SYNE2: variants seen among roughly 807,000 people sequenced by gnomAD.
SYNE2 encodes nesprin-2.
Under a neutral mutation model 856.3 loss-of-function variants are expected in SYNE2, and 431 were observed. The ratio of observed to expected loss-of-function variants is 0.50; its 90% CI spans 0.47 to 0.55. SYNE2 has a LOEUF of 0.55. Ranked by LOEUF, SYNE2 falls within the 20% of genes least tolerant of loss-of-function variation. SYNE2 has a pLI of 0.00. For missense variants in SYNE2, 8,129 were observed against 8,023.2 expected, an observed-to-expected ratio of 1.01 and a Z score of -0.50; for synonymous variants, 2,923 against 2,872.3, an observed-to-expected ratio of 1.02 and a Z score of -0.56.
intron 11 of SYNE2, among the ~76,000 whole-genome samples, chr14:63,971,803 T>C (rs2096481254): frequency 1.3e-5 from 2 of 152,166 alleles, no homozygotes; most frequent in Admixed American, 6.6e-5. Flanking sequence ...TCTCTACATA[T>C]GTCTTTATTT....
intron 1 of SYNE2, among the ~76,000 whole-genome samples, chr14:63,803,179 A>C (rs1326639940): frequency 6.6e-6 from 1 of 152,044 alleles, no homozygotes; most frequent in Non-Finnish European, 1.5e-5. Context: ...TCCCCACCAG[A>C]CTCAGGACCC....
chr14:64,039,151 T>C (rs184663022), intron 45 of SYNE2, among the ~76,000 whole-genome samples: 64 of 152,354 alleles, frequency 4.2e-4, no homozygotes, highest in African/African-American at 1.5e-3. Flanking sequence ...GAGTTGTTTT[T>C]CACTGCTTTA....
At chr14:63,907,964 C>T (rs891640636) in intron 1 of SYNE2, among the ~76,000 whole-genome samples, 1 of 152,082 alleles carries the variant, frequency 6.6e-6, no homozygotes, top group African/African-American at 2.4e-5. Context: ...AACAGTGATC[C>T]ATGCAAGAGC....
At chr14:64,154,578 A>T (rs1454463396) in intron 85 of SYNE2, among the ~76,000 whole-genome samples, 1 of 152,158 alleles carries the variant, frequency 6.6e-6, no homozygotes. Flanking sequence ...AGATCGCTTG[A>T]ATTCAGCAGT....
intron 32 of SYNE2, among the ~76,000 whole-genome samples, chr14:64,010,684 C>G (rs1304430136): frequency 1.3e-5 from 2 of 152,134 alleles, no homozygotes; most frequent in Admixed American, 1.3e-4. Context: ...ATATACTATA[C>G]TGCACTATAT....
chr14:63,839,382 C>A (rs1306332464), intron 1 of SYNE2, among the ~76,000 whole-genome samples: 1 of 151,970 alleles, frequency 6.6e-6, no homozygotes, highest in East Asian at 1.9e-4. Flanking sequence ...CTCACTATGG[C>A]CCTCATTTAA....
intron 111 of SYNE2, 48 bp from the exon 112 acceptor site, chr14:64,221,528 T>A (rs531727945): frequency 6.2e-7 from 1 of 1,614,084 alleles, no homozygotes; most frequent in African/African-American, 1.3e-5. Flanking sequence ...GCACACCCTC[T>A]TCCAGGGCTC....
intron 63 of SYNE2, chr14:64,099,918 C>G (rs28486031): frequency 0.19 from 28,927 of 151,898 alleles, 3,483 homozygotes; most frequent in East Asian, 0.38. Context: ...ACCCACAACA[C>G]TCCCCAGAGT....
chr14:64,051,492 T>C (rs2097226205), intron 47 of SYNE2, 65 bp from the exon 48 acceptor site: 1 of 1,409,522 alleles, frequency 7.1e-7, no homozygotes, highest in Admixed American at 2.2e-5. Flanking sequence ...TAATGATATT[T>C]ATCCACATTT....
chr14:63,765,098 G>C (rs1886623717), intron 1 of SYNE2, among the ~76,000 whole-genome samples: 1 of 152,116 alleles, frequency 6.6e-6, no homozygotes, highest in African/African-American at 2.4e-5. Context: ...TGTTCTAAGG[G>C]TACGGGAGAG....
At chr14:64,212,396 G>A (rs1456449010) in intron 104 of SYNE2, among the ~76,000 whole-genome samples, 1 of 152,210 alleles carries the variant, frequency 6.6e-6, no homozygotes, top group Non-Finnish European at 1.5e-5. Flanking sequence ...GATTTTGGAA[G>A]AGGTTGAGAA....
intron 89 of SYNE2, 31 bp downstream of exon 89, chr14:64,163,612 T>C (rs753130453): frequency 6.2e-7 from 1 of 1,612,760 alleles, no homozygotes; most frequent in East Asian, 2.2e-5. Context: ...CAAGTTTTAG[T>C]CTTAGACATT....
intron 28 of SYNE2, 85 bp from the exon 29 acceptor site, chr14:64,001,849 C>T (rs756390780): frequency 4.2e-6 from 6 of 1,418,560 alleles, no homozygotes; most frequent in Admixed American, 1.7e-5. Context: ...ATTTTCTGTT[C>T]TTAGTTCAGT....
chr14:63,859,687 A>G lies in SYNE2; in HGVS notation c.-52+6544A>G, dbSNP rs546042215. 2.0e-5 allele frequency among the ~76,000 whole-genome samples: 3 copies of G among 152,268 alleles called. No homozygotes were observed. In the East Asian group the frequency reaches 5.8e-4, roughly 29 times the overall value. ...CAAAATTAGCTGGGTGTGGTGGCAC[A>G]TGCCTGTAATTCCAGCTACTTGGGA... On this transcript the variant is annotated intron_variant, in intron 1 of 115. Coordinates refer to ENST00000555002, the MANE Select transcript of SYNE2 (RefSeq NM_182914.3).
At chr14:63,891,841 C>G (rs187013252) in intron 1 of SYNE2, among the ~76,000 whole-genome samples, 2 of 152,190 alleles carry the variant, frequency 1.3e-5, no homozygotes, top group Admixed American at 6.5e-5. Flanking sequence ...TTGATAAAAG[C>G]ACGTGTAATT....
chr14:64,167,443 G>T (rs557840078), intron 91 of SYNE2, 52 bp from the exon 92 acceptor site: 3 of 1,614,260 alleles, frequency 1.9e-6, no homozygotes, highest in Non-Finnish European at 2.5e-6. Context: ...AACGGCTTCA[G>T]CTCGGGAATG....
chr14:63,772,803 G>A (rs963430257), intron 1 of SYNE2, among the ~76,000 whole-genome samples: 3 of 151,526 alleles, frequency 2.0e-5, no homozygotes, highest in South Asian at 4.2e-4. Flanking sequence ...TGGAGATGGA[G>A]TTTTGCCCTT....
intron 1 of SYNE2, among the ~76,000 whole-genome samples, chr14:63,870,990 T>C (rs921147354): frequency 1.4e-5 from 2 of 140,422 alleles, no homozygotes; most frequent in African/African-American, 6.6e-5. Context: ...TTTACTTTTT[T>C]AAATTTAAAT....
intron 21 of SYNE2, among the ~76,000 whole-genome samples, chr14:63,993,465 A>T (rs769890527): frequency 6.6e-6 from 1 of 152,218 alleles, no homozygotes; most frequent in African/African-American, 2.4e-5. Context: ...TCTGCTCAAT[A>T]CTTAAGAACT....
Sources: gnomAD v4.1 joint callset for allele counts (sites outside exome capture counted in the v4.1 genomes callset) on GRCh38, gnomAD v4.1.1 for gene constraint, MANE v1.5 for transcripts, NCBI Gene and HGNC (gene_info 2026-07-23, HGNC 2026-07-21) for gene names.